Variants in ACHE observed in about 807,000 individuals in gnomAD.
ACHE encodes the protein acetylcholinesterase.
ACHE carries 19 observed loss-of-function variants against 53.9 expected under a neutral mutation model. That is an observed-to-expected ratio of 0.35 (90% CI 0.25 to 0.52). The LOEUF is 0.52. Among genes scored for constraint, ACHE ranks in the 20% least tolerant of loss-of-function variants. ACHE has a pLI of 0.95. For synonymous variants in ACHE, 392 were observed against 378.1 expected (o/e 1.04, Z -0.43); for missense variants, 605 against 849.4 (o/e 0.71, Z 3.58).
intron 4 of ACHE, chr7:100,890,579 C>G: frequency 3.0e-6 from 4 of 1,340,532 alleles, no homozygotes; most frequent in South Asian, 1.9e-5. Flanking sequence ...AAAGAATGAC[C>G]GGAAGACGGG....
At chr7:100,895,512 A>G (rs916285268) in intron 1 of ACHE, among the ~76,000 whole-genome samples, 3 of 152,020 alleles carry the variant, frequency 2.0e-5, no homozygotes, top group African/African-American at 4.8e-5. Flanking sequence ...GGTGTCTTCC[A>G]GTGGCCCCGG....
chr7:100,894,668 A>AG (rs61516672), intron 1 of ACHE, among the ~76,000 whole-genome samples: 152,109 of 152,118 alleles, frequency 1, 76,050 homozygotes, highest in Middle Eastern at 1. Flanking sequence ...GGCGGCCTGA[A>AG]GCGCAGCCCC....
At position 100,893,567 on chromosome 7, in the gene ACHE, C is replaced by T. The variant is rs747572888; in HGVS notation, c.666G>A (p.Gly222=). ...ACAGCGTCACTGATGTCGGGTCACC[C>T]CCGAAGGCTGCCACGTTCTCCTGCA... The part of the protein sequence containing the change: ...QWVQENVAAF[G]GDPTSVTLFG... The change falls in exon 2 of 5, where the codon GGG becomes GGA. Residue 222 remains glycine, a synonymous_variant. Coordinates refer to ENST00000241069, the MANE Select transcript of ACHE (RefSeq NM_000665.5). The T allele has an allele frequency of 6.2e-7, 1 of 1,612,104 alleles. No homozygotes were observed. Among genetic ancestry groups the T allele is most frequent in the Non-Finnish European group, 8.5e-7 (1 of 1,180,022 alleles).
chr7:100,890,545 C>T (rs1790607013), intron 4 of ACHE: 2 of 1,400,160 alleles, frequency 1.4e-6, no homozygotes, highest in East Asian at 2.6e-5. Flanking sequence ...CGGAGAAGGA[C>T]AGCAGGAAGG....
rs1294473698 is a variant in ACHE at position 100,891,175 on chromosome 7, C to T, written c.1717G>A (p.Ala573Thr). 1.2e-6 allele frequency: 2 copies of T among 1,604,524 alleles called. No individual in the cohort carries two copies. The highest frequency in any genetic ancestry group is 4.5e-5 in the East Asian group (2 of 44,492). The change falls in exon 4 of 5, where the codon GCC (alanine) becomes ACC (threonine). Residue 573 changes from alanine (A) to threonine (T), a missense_variant. By Grantham distance (58) the Ala-to-Thr change is moderately conservative. Coordinates refer to ENST00000241069, the MANE Select transcript of ACHE (RefSeq NM_000665.5). ...CCCGCTGGCCCCTGCATACCGGTGG[C>T]GCTGAGCAATTTGGGGAGGAAGCGG... ...WNRFLPKLLS[A>T]TDTLDEAERQ... is the part of the protein sequence containing the mutation.
In ACHE at chr7:100,893,822, G is replaced by A; in HGVS notation, c.411C>T (p.Pro137=). 1.2e-6 allele frequency: 2 copies of A among 1,613,308 alleles called. No homozygotes were observed. Among genetic ancestry groups the A allele is most frequent in the Non-Finnish European group, 1.7e-6 (2 of 1,179,736 alleles). The change falls in exon 2 of 5, where the codon CCC becomes CCT. Residue 137 remains proline (P), a synonymous_variant. Coordinates refer to ENST00000241069, the MANE Select transcript of ACHE (RefSeq NM_000665.5). ...CLYLNVWTPY[P]RPTSPTPVLV... is the part of the protein sequence containing the mutation. ...GGACAGGGGTGGGGGATGTAGGCCG[G>A]GGGTATGGTGTCCACACGTTGAGGT...
intron 2 of ACHE, 112 bp downstream of exon 2, chr7:100,893,053 G>A: frequency 7.6e-7 from 1 of 1,314,868 alleles, no homozygotes; most frequent in Non-Finnish European, 1.0e-6. Flanking sequence ...GAGGACTTCT[G>A]GGACTTCTGG....
In ACHE at chr7:100,893,381, G is replaced by C. The variant is rs778910410; in HGVS notation, c.852C>G (p.His284Gln). The C allele has an allele frequency of 6.2e-7, 1 of 1,613,336 alleles. No individual in the cohort carries two copies. The highest frequency in any genetic ancestry group is 1.3e-5 in the African/African-American group (1 of 75,058). Residue 284 changes from histidine (H) to glutamine (Q), a missense_variant, in exon 2 of 5, where the codon CAC becomes CAG. His to Gln is a conservative substitution (Grantham distance 24). Transcript: ENST00000241069. ...EARRRATQLAHLVGCPPGGTG... is the reference protein window; with the variant it reads ...EARRRATQLAQLVGCPPGGTG... ...TGCCGCCTGGAGGACAGCCCACAAG[G>C]TGGGCCAGCTGCGTGGCCCTGCGAC...
At position 100,891,030 on chromosome 7, in the gene ACHE, G is replaced by A. The variant is rs745396062; in HGVS notation, c.1723+139C>T. 6.9e-6 allele frequency: 10 copies of A among 1,455,798 alleles called. No individual in the cohort carries two copies. The South Asian group carries it at 8.5e-5, about 12-fold the overall frequency. 90.2% of individuals were successfully genotyped at this position (1,455,798 alleles called of 1,614,324 possible). Reference sequence around the variant, plus strand: ...GGAGGAGGAGGGGCAGGGGGAGGCCGGGCCTCGGAGCAGCCTCCCCATGGG... The same window carrying A: ...GGAGGAGGAGGGGCAGGGGGAGGCCAGGCCTCGGAGCAGCCTCCCCATGGG... On this transcript the variant is annotated intron_variant, in intron 4 of 4. Coordinates refer to ENST00000241069, the MANE Select transcript of ACHE (RefSeq NM_000665.5).
In ACHE at chr7:100,893,146, C is replaced by T. The variant is rs1329965601; in HGVS notation, c.1068+19G>A. Reference sequence around the variant, plus strand: ...GGGACCCAGAGGAGCCAGCTTCACGCCAGCTAGCCACTAGTTACCTGCAGG... The same window carrying T: ...GGGACCCAGAGGAGCCAGCTTCACGTCAGCTAGCCACTAGTTACCTGCAGG... On this transcript the variant is annotated intron_variant, in intron 2 of 4. Coordinates refer to ENST00000241069, the MANE Select transcript of ACHE (RefSeq NM_000665.5). 1 of 1,611,372 alleles carries T rather than the reference C, an allele frequency of 6.2e-7. No individual in the cohort carries two copies. The highest frequency in any genetic ancestry group is 1.7e-5 in the Admixed American group (1 of 59,762).
intron 1 of ACHE, among the ~76,000 whole-genome samples, chr7:100,895,284 C>G (rs1252293505): frequency 6.6e-6 from 1 of 152,190 alleles, no homozygotes; most frequent in African/African-American, 2.4e-5. Flanking sequence ...TGGAGATTAA[C>G]TAGGAAACCC....
At chr7:100,890,824 C>T (rs759173001) in intron 4 of ACHE, 1 of 1,405,888 alleles carries the variant, frequency 7.1e-7, no homozygotes, top group African/African-American at 1.4e-5. Flanking sequence ...CTCCTCCTGC[C>T]CTGTCCAGTG....
chr7:100,890,561 G>A (rs1423290512), intron 4 of ACHE: 2 of 1,396,600 alleles, frequency 1.4e-6, no homozygotes, highest in Non-Finnish European at 9.3e-7. Context: ...GAAGGAGAGA[G>A]GAGGAGAAAA....
Position 100,892,806 on chromosome 7 carries a change from C to T in ACHE, c.1081G>A (p.Val361Met), listed in dbSNP as rs1421969580. Residue 361 changes from valine (V) to methionine (M), a missense_variant, in exon 3 of 5, where the codon GTG becomes ATG. By Grantham distance (21) the Val-to-Met change is conservative. Around this residue, in one of 4 missense-constraint regions of ACHE, gnomAD observed 397 missense variants for 632.5 expected, o/e 0.63. Transcript: ENST00000241069. This position sits in a 1 kb window ranked among gnomAD's most constrained non-coding sequence, Gnocchi z 5.2. ...AAATACGAGCCCTCATCCTTCACCACACCCACCAGCACCTGGGGGTGAGGG... is the reference window on the plus strand; with the variant it reads ...AAATACGAGCCCTCATCCTTCACCATACCCACCAGCACCTGGGGGTGAGGG... ...DFHGLQVLVG[V>M]VKDEGSYFLV... 1 of 1,579,274 alleles carries T rather than the reference C, an allele frequency of 6.3e-7. No homozygotes were observed. Among genetic ancestry groups the T allele is most frequent in the Non-Finnish European group, 8.6e-7 (1 of 1,165,900 alleles).
chr7:100,891,318 T>C lies in ACHE; in HGVS notation c.1574A>G (p.Asp525Gly). The C allele has an allele frequency of 1.3e-6, 2 of 1,566,326 alleles. No homozygotes were observed. The highest frequency in any genetic ancestry group is 1.7e-6 in the Non-Finnish European group (2 of 1,158,392). ...ARTGDPNEPR[D>G]PKAPQWPPYT... The stretch of plus-strand genomic sequence containing the variant: ...CGGGGGCCATTGTGGGGCCTTGGGG[T>C]CTCGGGGCTCATTGGGATCCCTGCG... The change falls in exon 4 of 5, where the codon GAC becomes GGC. Residue 525 changes from aspartate to glycine, a missense_variant. Physicochemically the swap from Asp to Gly is moderately conservative, Grantham distance 94 (BLOSUM62 -1). Transcript: ENST00000241069.
chr7:100,894,589 T>G (rs1212345297), intron 1 of ACHE, among the ~76,000 whole-genome samples: 2 of 139,544 alleles, frequency 1.4e-5, no homozygotes, highest in Non-Finnish European at 1.6e-5. Context: ...ACCAGAAGCC[T>G]CAGTCCACGA....
Position 100,892,955 on chromosome 7 carries a change from C to A in ACHE, c.1069-137G>T. On this transcript the variant is annotated intron_variant, in intron 2 of 4. Transcript: ENST00000241069. This position sits in a 1 kb window ranked among gnomAD's most constrained non-coding sequence, Gnocchi z 5.2. ...ACCATGGACAGAGAGAGGACGAGAT[C>A]AGGGGAGGGATGCAGAGAAAGAGAA... is the stretch of plus-strand genomic sequence containing the variant. 7.8e-7 allele frequency: 1 copy of A among 1,279,766 alleles called. No homozygotes were observed. Among genetic ancestry groups the A allele is most frequent in the Non-Finnish European group, 1.1e-6 (1 of 950,862 alleles). The allele number at this position is 1,279,766 out of a possible 1,614,324, so 79.3% of individuals were successfully genotyped here. A position where few individuals can be genotyped will look rare whatever the true frequency, so the allele number is the denominator to read the frequency against.
chr7:100,894,541 C>T (rs1365303932), intron 1 of ACHE, among the ~76,000 whole-genome samples: 2 of 152,174 alleles, frequency 1.3e-5, no homozygotes, highest in African/African-American at 4.8e-5. Context: ...CTCACCTCTT[C>T]CCGGAACTGG....
chr7:100,891,311 C>T lies in ACHE; in HGVS notation c.1581G>A (p.Lys527=), dbSNP rs373801320. ...TGDPNEPRDP[K]APQWPPYTAG... Reference sequence around the variant, plus strand: ...CCGTGTACGGGGGCCATTGTGGGGCCTTGGGGTCTCGGGGCTCATTGGGAT... The same window carrying T: ...CCGTGTACGGGGGCCATTGTGGGGCTTTGGGGTCTCGGGGCTCATTGGGAT... Residue 527 remains lysine, a synonymous_variant, in exon 4 of 5, where the codon AAG becomes AAA. Transcript: ENST00000241069. The T allele has an allele frequency of 1.9e-4, 300 of 1,578,334 alleles. No individual in the cohort carries two copies. The highest frequency in any genetic ancestry group is 2.4e-4 in the Non-Finnish European group (276 of 1,163,390).
Sources: allele counts gnomAD v4.1 joint callset (sites outside exome capture counted in the v4.1 genomes callset), GRCh38; gene constraint gnomAD v4.1.1; regional missense constraint gnomAD v4.1.1; non-coding constraint Gnocchi (gnomAD v3.1); transcripts MANE v1.5; gene names NCBI Gene and HGNC (gene_info 2026-07-23, HGNC 2026-07-21).